Variants in GRIA1 observed in about 807,000 individuals in gnomAD.
GRIA1 encodes the protein glutamate receptor 1.
In GRIA1, 31 loss-of-function variants were observed where a neutral mutation model predicts 99.2. That is an observed-to-expected ratio of 0.31 (90% confidence interval 0.23 to 0.42). The LOEUF (loss-of-function observed/expected upper bound fraction) is 0.42. GRIA1 is among the 10% of genes least tolerant of loss of function. GRIA1 has a pLI of 1.00. For missense variants in GRIA1, 782 were observed against 1,157.5 expected (o/e 0.68, Z 4.71); for synonymous variants, 438 against 432.4 (o/e 1.01, Z -0.16).
At chr5:153,778,367 A>T (rs1282768062) in intron 13 of GRIA1, among the ~76,000 whole-genome samples, 10 of 152,038 alleles carry the variant, frequency 6.6e-5, no homozygotes, top group Admixed American at 5.9e-4. Flanking sequence ...AAGGAGTGGC[A>T]AGCGCTTTAT....
chr5:153,522,309 T>A (rs1042279327), intron 2 of GRIA1, among the ~76,000 whole-genome samples: 2 of 152,220 alleles, frequency 1.3e-5, no homozygotes, highest in Admixed American at 1.3e-4. Context: ...CATGTAAAGT[T>A]GTTATTATTG....
At chr5:153,803,003 C>T (rs770933003) in intron 15 of GRIA1, among the ~76,000 whole-genome samples, 1 of 152,130 alleles carries the variant, frequency 6.6e-6, no homozygotes, top group African/African-American at 2.4e-5. Context: ...CAAACCACAT[C>T]AAATGTAGCT....
intron 12 of GRIA1, among the ~76,000 whole-genome samples, chr5:153,767,612 C>T (rs1763601346): frequency 6.6e-6 from 1 of 152,100 alleles, no homozygotes; most frequent in Non-Finnish European, 1.5e-5. Context: ...GATAAGGTTA[C>T]CTACCACCCC....
At chr5:153,739,966 G>A (rs989369121) in intron 11 of GRIA1, among the ~76,000 whole-genome samples, 12 of 152,324 alleles carry the variant, frequency 7.9e-5, no homozygotes, top group Non-Finnish European at 1.2e-4. Flanking sequence ...TTTATGAGAC[G>A]TGTTGTTGAT....
At chr5:153,610,660 T>G (rs1406142170) in intron 2 of GRIA1, among the ~76,000 whole-genome samples, 1 of 152,238 alleles carries the variant, frequency 6.6e-6, no homozygotes, top group Non-Finnish European at 1.5e-5. Context: ...TTTATTAGCA[T>G]TGTAACCTTG....
chr5:153,550,609 C>A (rs1188412052), intron 2 of GRIA1, among the ~76,000 whole-genome samples: 1 of 152,106 alleles, frequency 6.6e-6, no homozygotes, highest in Non-Finnish European at 1.5e-5. Context: ...AATTTAAAAT[C>A]TTCCTTCAAT....
At chr5:153,802,141 G>A (rs1431944270) in intron 14 of GRIA1, among the ~76,000 whole-genome samples, 1 of 152,064 alleles carries the variant, frequency 6.6e-6, no homozygotes, top group Non-Finnish European at 1.5e-5. Flanking sequence ...AGGGAGGCTT[G>A]GAAAATGTAT....
intron 2 of GRIA1, among the ~76,000 whole-genome samples, chr5:153,551,479 C>T (rs984396920): frequency 2.0e-5 from 3 of 152,090 alleles, no homozygotes; most frequent in African/African-American, 7.2e-5. Flanking sequence ...GCTCATATGA[C>T]CACATTTCCC....
intron 2 of GRIA1, among the ~76,000 whole-genome samples, chr5:153,635,080 C>T (rs1323416390): frequency 1.3e-5 from 2 of 152,210 alleles, no homozygotes; most frequent in Admixed American, 6.5e-5. Context: ...TTGACAGATG[C>T]TGATCAAGTT....
chr5:153,591,852 T>C (rs189722909), intron 2 of GRIA1, among the ~76,000 whole-genome samples: 33 of 152,340 alleles, frequency 2.2e-4, no homozygotes, highest in South Asian at 1.9e-3. Context: ...CCTTTTGTGA[T>C]TGCAACATGA....
intron 2 of GRIA1, among the ~76,000 whole-genome samples, chr5:153,508,850 C>T (rs534846693): frequency 8.6e-4 from 102 of 118,846 alleles, no homozygotes; most frequent in Admixed American, 1.5e-3. Flanking sequence ...ATTCTGATTA[C>T]ACTGTAGGAT....
intron 2 of GRIA1, among the ~76,000 whole-genome samples, chr5:153,583,129 C>T (rs959416494): frequency 1.3e-5 from 2 of 151,850 alleles, no homozygotes; most frequent in Non-Finnish European, 2.9e-5. Context: ...GATGGGGCTT[C>T]GCCATGTTGC....
chr5:153,811,100 G>A lies in GRIA1; in HGVS notation c.2596G>A (p.Gly866Arg). 1 of 1,614,104 alleles carries A rather than the reference G, an allele frequency of 6.2e-7. No individual in the cohort carries two copies. Among genetic ancestry groups the A allele is most frequent in the Non-Finnish European group, 8.5e-7 (1 of 1,179,942 alleles). Residue 866 changes from glycine (G) to arginine (R), a missense_variant, in exon 16 of 16, where the codon GGA (glycine) becomes AGA (arginine). By Grantham distance (125) the Gly-to-Arg change is moderately radical. Around this residue, in one of 5 missense-constraint regions of GRIA1, gnomAD observed 76 missense variants for 81.2 expected, o/e 0.94. Transcript: ENST00000285900. ...TSTLPRNSGA[G>R]ASSGGSGENG... ...GACCCTCCCCCGCAACAGCGGGGCAGGAGCCAGCAGCGGCGGCAGTGGAGA... is the reference window on the plus strand; with the variant it reads ...GACCCTCCCCCGCAACAGCGGGGCAAGAGCCAGCAGCGGCGGCAGTGGAGA...
chr5:153,790,263 A>C (rs1765216291), intron 13 of GRIA1, among the ~76,000 whole-genome samples: 1 of 152,354 alleles, frequency 6.6e-6, no homozygotes, highest in African/African-American at 2.4e-5. Context: ...TTAGTCTTTG[A>C]GGTTCATCCC....
At chr5:153,717,924 G>A (rs1305547615) in intron 11 of GRIA1, among the ~76,000 whole-genome samples, 1 of 152,162 alleles carries the variant, frequency 6.6e-6, no homozygotes, top group Non-Finnish European at 1.5e-5. Flanking sequence ...TCCTGGCTGG[G>A]GACCCCCCTG....
At chr5:153,575,890 G>T (rs1051761495) in intron 2 of GRIA1, among the ~76,000 whole-genome samples, 1 of 152,202 alleles carries the variant, frequency 6.6e-6, no homozygotes, top group African/African-American at 2.4e-5. Context: ...GATGCTTTGT[G>T]TGACCTTGTA....
intron 11 of GRIA1, among the ~76,000 whole-genome samples, chr5:153,741,945 A>G (rs1193101570): frequency 7.8e-6 from 1 of 127,628 alleles, no homozygotes; most frequent in Non-Finnish European, 1.6e-5. Flanking sequence ...AAAAAAAAAA[A>G]AAAAAGAAAA....
chr5:153,630,070 C>A (rs1279930274), intron 2 of GRIA1, among the ~76,000 whole-genome samples: 2 of 150,074 alleles, frequency 1.3e-5, no homozygotes, highest in Non-Finnish European at 3.0e-5. Context: ...TTCTGTGACC[C>A]CTGCCTACCT....
intron 2 of GRIA1, among the ~76,000 whole-genome samples, chr5:153,623,383 A>G (rs767475326): frequency 4.6e-5 from 7 of 152,190 alleles, no homozygotes; most frequent in African/African-American, 7.2e-5. Flanking sequence ...AAGAGTGTCT[A>G]TGACTTCAAG....
Sources: gnomAD v4.1 joint callset for allele counts (sites outside exome capture counted in the v4.1 genomes callset) on GRCh38, gnomAD v4.1.1 for gene constraint, gnomAD v4.1.1 regional missense constraint, MANE v1.5 for transcripts, NCBI Gene and HGNC (gene_info 2026-07-23, HGNC 2026-07-21) for gene names.